The following PDLIM5 variants were observed in gnomAD, a reference collection of about 807,000 sequenced individuals.
The protein encoded by PDLIM5 is PDZ and LIM domain 5, also known as PDZ and LIM domain protein 5.
In PDLIM5, 34 loss-of-function variants were observed where a neutral mutation model predicts 64.2. The observed-to-expected ratio is 0.53, with a 90% confidence interval of 0.40 to 0.71. The LOEUF is 0.71. Ranked by LOEUF, PDLIM5 falls within the 30% of genes least tolerant of loss-of-function variation. The pLI is 0.00. For missense variants in PDLIM5, 683 were observed against 733.6 expected, an observed-to-expected ratio of 0.93 and a Z score of 0.80; for synonymous variants, 253 against 269.1, an observed-to-expected ratio of 0.94 and a Z score of 0.59.
intron 2 of PDLIM5, among the ~76,000 whole-genome samples, chr4:94,477,075 A>T (rs181872609): frequency 6.6e-6 from 1 of 152,176 alleles, no homozygotes; most frequent in African/African-American, 2.4e-5. Flanking sequence ...CCCAGCTTCT[A>T]TGTCTTCAAA....
rs1010539381 is a variant in PDLIM5, at chr4:94,666,409, A to G, written c.*2342A>G. ...GGAGGCAGGAAATTTCTTTTGAAAT[A>G]AAGTGCTGGAGCTGAATTCTGCATT... On this transcript the variant is annotated 3_prime_UTR_variant, in exon 13 of 13. Coordinates refer to ENST00000317968, the MANE Select transcript of PDLIM5 (RefSeq NM_006457.5). The G allele has an allele frequency of 5.3e-6, 1 of 189,738 alleles. No individual in the cohort carries two copies. The highest frequency in any genetic ancestry group is 1.3e-4 in the East Asian group (1 of 7,514). 11.8% of individuals were successfully genotyped at this position (189,738 alleles called of 1,614,324 possible).
chr4:94,493,871 C>G (rs1727091294), intron 2 of PDLIM5, among the ~76,000 whole-genome samples: 1 of 152,136 alleles, frequency 6.6e-6, no homozygotes, highest in African/African-American at 2.4e-5. Context: ...TAGATTTTGA[C>G]TACGTACTTG....
At chr4:94,622,958 C>G (rs898612497) in intron 8 of PDLIM5, among the ~76,000 whole-genome samples, 1 of 152,080 alleles carries the variant, frequency 6.6e-6, no homozygotes, top group Non-Finnish European at 1.5e-5. Context: ...CATAAGCCAC[C>G]ACGCCCGGCC....
At chr4:94,501,385 A>G (rs1018259938) in intron 2 of PDLIM5, among the ~76,000 whole-genome samples, 3 of 152,158 alleles carry the variant, frequency 2.0e-5, no homozygotes, top group Non-Finnish European at 2.9e-5. Context: ...TACCCTGCCT[A>G]ATTTTATGGC....
At chr4:94,585,519 A>C (rs946296934) in intron 5 of PDLIM5, 46 bp from the exon 6 acceptor site, 1 of 1,173,034 alleles carries the variant, frequency 8.5e-7, no homozygotes, top group African/African-American at 1.6e-5. Flanking sequence ...TTATCCTTTT[A>C]ATATAACTTT....
At chr4:94,552,827 G>A (rs1310615061) in intron 3 of PDLIM5, among the ~76,000 whole-genome samples, 1 of 152,034 alleles carries the variant, frequency 6.6e-6, no homozygotes, top group Non-Finnish European at 1.5e-5. Context: ...GGTGGTAGCA[G>A]AAAAAAATGC....
chr4:94,496,902 T>C (rs1727451525), intron 2 of PDLIM5, among the ~76,000 whole-genome samples: 1 of 152,234 alleles, frequency 6.6e-6, no homozygotes, highest in African/African-American at 2.4e-5. Context: ...TACATTGAAG[T>C]AGTTCCAGAA....
At chr4:94,599,603 A>G (rs1737332671) in intron 7 of PDLIM5, among the ~76,000 whole-genome samples, 1 of 152,232 alleles carries the variant, frequency 6.6e-6, no homozygotes, top group Non-Finnish European at 1.5e-5. Flanking sequence ...GGAATGTATC[A>G]TTAAAGTGAA....
chr4:94,597,699 C>G (rs1324103483), intron 7 of PDLIM5, among the ~76,000 whole-genome samples: 2 of 152,036 alleles, frequency 1.3e-5, no homozygotes, highest in Admixed American at 6.6e-5. Flanking sequence ...TCACTGAGTA[C>G]TATCTGCGTT....
chr4:94,612,232 AAAGC>A (rs1233460694), intron 7 of PDLIM5, among the ~76,000 whole-genome samples: 1 of 152,164 alleles, frequency 6.6e-6, no homozygotes, highest in Non-Finnish European at 1.5e-5. Context: ...AACAAAAACA[AAAGC>A]AAACAAACAA....
At chr4:94,474,800 C>T (rs1725180344) in intron 2 of PDLIM5, among the ~76,000 whole-genome samples, 1 of 152,172 alleles carries the variant, frequency 6.6e-6, no homozygotes, top group South Asian at 2.1e-4. Context: ...CAGGCACATG[C>T]CACCATGCAC....
chr4:94,563,095 G>T (rs1733983691), intron 3 of PDLIM5, among the ~76,000 whole-genome samples: 1 of 152,110 alleles, frequency 6.6e-6, no homozygotes, highest in African/African-American at 2.4e-5. Context: ...TTCTGTGATG[G>T]TATAAATGTG....
Position 94,666,186 on chromosome 4 carries a change from A to G in PDLIM5, c.*2119A>G, listed in dbSNP as rs1293632798. ...TTTGTTATAGAGGAGGTTTTAGGCTACAATATTTGTTTAACCTCCCTAAGA... is the reference window on the plus strand; with the variant it reads ...TTTGTTATAGAGGAGGTTTTAGGCTGCAATATTTGTTTAACCTCCCTAAGA... On this transcript the variant is annotated 3_prime_UTR_variant, in exon 13 of 13. Coordinates refer to ENST00000317968, the MANE Select transcript of PDLIM5 (RefSeq NM_006457.5). 3 of 574,108 alleles carry G rather than the reference A, an allele frequency of 5.2e-6. No homozygotes were observed. The highest frequency in any genetic ancestry group is 1.9e-5 in the African/African-American group (1 of 52,682). 35.6% of individuals were successfully genotyped at this position (574,108 alleles called of 1,614,324 possible). A position where few individuals can be genotyped will look rare whatever the true frequency, so the allele number is the denominator to read the frequency against.
At chr4:94,632,258 C>CA (rs1740217186) in intron 8 of PDLIM5, among the ~76,000 whole-genome samples, 1 of 152,104 alleles carries the variant, frequency 6.6e-6, no homozygotes, top group South Asian at 2.1e-4. Flanking sequence ...AGCAGTTGTT[C>CA]AAAAAACATT....
At chr4:94,538,112 C>G (rs150883761) in intron 3 of PDLIM5, among the ~76,000 whole-genome samples, 2 of 152,182 alleles carry the variant, frequency 1.3e-5, no homozygotes, top group East Asian at 3.9e-4. Context: ...TTTTAAAATT[C>G]TTTGAAAATT....
rs576576842 is a variant in PDLIM5, at chr4:94,562,177, C to A, written c.249-11174C>A. Among the ~76,000 whole-genome samples, 20 of 152,250 alleles carry A rather than the reference C, an allele frequency of 1.3e-4. No homozygotes were observed. The South Asian group carries it at 4.1e-3, about 32-fold the overall frequency. On this transcript the variant is annotated intron_variant, in intron 3 of 12. Transcript: ENST00000317968. ...ACCAGTCATCTTGTTTATTATGTGGCCTATCAGGCCTCCAGACCTTTCTGA... is the reference window on the plus strand; with the variant it reads ...ACCAGTCATCTTGTTTATTATGTGGACTATCAGGCCTCCAGACCTTTCTGA...
chr4:94,499,179 GTCTT>G (rs1727674312), intron 2 of PDLIM5, among the ~76,000 whole-genome samples: 1 of 152,038 alleles, frequency 6.6e-6, no homozygotes, highest in South Asian at 2.1e-4. Flanking sequence ...GAAAAATAAA[GTCTT>G]TCTTATAATT....
intron 2 of PDLIM5, chr4:94,456,670 A>G (rs1723401764): frequency 8.6e-7 from 1 of 1,156,424 alleles, no homozygotes; most frequent in African/African-American, 1.6e-5. Context: ...TTTCCATATT[A>G]CTGTTACAGT....
intron 7 of PDLIM5, among the ~76,000 whole-genome samples, chr4:94,604,742 G>A (rs1399632618): frequency 6.6e-6 from 1 of 152,106 alleles, no homozygotes; most frequent in Non-Finnish European, 1.5e-5. Flanking sequence ...ATAGAGTTTC[G>A]AATATGCAAG....
Sources: gnomAD v4.1 joint callset for allele counts (sites outside exome capture counted in the v4.1 genomes callset) on GRCh38, gnomAD v4.1.1 for gene constraint, MANE v1.5 for transcripts, NCBI Gene and HGNC (gene_info 2026-07-23, HGNC 2026-07-21) for gene names.